Variants in EXOC2 observed in about 807,000 individuals in gnomAD.
EXOC2 encodes exocyst complex component 2.
EXOC2 carries 70 observed loss-of-function variants against 131.8 expected under a neutral mutation model. The ratio of observed to expected loss-of-function variants is 0.53; its 90% CI spans 0.44 to 0.65. The LOEUF (loss-of-function observed/expected upper bound fraction) is 0.65. EXOC2 is among the 30% of genes least tolerant of loss of function. The pLI is 0.00. For synonymous variants in EXOC2, 411 were observed against 398.4 expected, an observed-to-expected ratio of 1.03 and a Z score of -0.38; for missense variants, 923 against 1,108.6, an observed-to-expected ratio of 0.83 and a Z score of 2.38.
At position 486,704 on chromosome 6, in the gene EXOC2, G is replaced by A; in HGVS notation, c.2742C>T (p.Phe914=). 2 of 1,614,136 alleles carry A rather than the reference G, an allele frequency of 1.2e-6. No homozygotes were observed. The highest frequency in any genetic ancestry group is 1.7e-6 in the Non-Finnish European group (2 of 1,180,018). Residue 914 remains phenylalanine, a synonymous_variant, in exon 28 of 28, where the codon TTC becomes TTT. Transcript: ENST00000230449. ...KSSMHLQLTC[F]QAASSTMMKT Reference sequence around the variant, plus strand: ...TCATCATGGTTGAAGAAGCTGCTTGGAAACAGGTGAGCTGCAAGTGCATGC... The same window carrying A: ...TCATCATGGTTGAAGAAGCTGCTTGAAAACAGGTGAGCTGCAAGTGCATGC...
chr6:656,909 A>G (rs777834603), intron 1 of EXOC2: 106 of 1,557,396 alleles, frequency 6.8e-5, no homozygotes, highest in Non-Finnish European at 8.8e-5. Flanking sequence ...ACAGCTCTAG[A>G]CAGCCTTTGC....
At chr6:684,505 C>G (rs1764554442) in intron 1 of EXOC2, among the ~76,000 whole-genome samples, 1 of 152,206 alleles carries the variant, frequency 6.6e-6, no homozygotes, top group Non-Finnish European at 1.5e-5. Flanking sequence ...ACAATTTATA[C>G]TGTACACTTA....
intron 11 of EXOC2, among the ~76,000 whole-genome samples, chr6:590,827 C>T (rs916785343): frequency 2.0e-5 from 3 of 152,164 alleles, no homozygotes; most frequent in Non-Finnish European, 1.5e-5. Context: ...TGGGTAAATG[C>T]ACGAGTTCCA....
At chr6:527,502 G>A (rs1013708114) in intron 23 of EXOC2, among the ~76,000 whole-genome samples, 1 of 152,234 alleles carries the variant, frequency 6.6e-6, no homozygotes, top group African/African-American at 2.4e-5. Context: ...GTTGGAATAT[G>A]CTGCTTGGCA....
rs1037431933 is a variant in EXOC2 at position 506,797 on chromosome 6, C to T, written c.2381-7097G>A. On this transcript the variant is annotated intron_variant, in intron 23 of 27. Transcript: ENST00000230449. This position sits in a 1 kb window ranked among gnomAD's most constrained non-coding sequence, Gnocchi z 4.4. ...CTGTAAGCCAGCCGGTGTAACCCAG[C>T]ATATTCTCCAGCAACGAAGATCTTG... 6.6e-6 allele frequency among the ~76,000 whole-genome samples: 1 copy of T among 152,082 alleles called. No homozygotes were observed. The highest frequency in any genetic ancestry group is 1.5e-5 in the Non-Finnish European group (1 of 68,022).
chr6:689,511 G>A (rs374523350), intron 1 of EXOC2, among the ~76,000 whole-genome samples: 3 of 152,158 alleles, frequency 2.0e-5, no homozygotes, highest in East Asian at 1.9e-4. Context: ...GTGTTCACAC[G>A]CCTTCCTTCA....
chr6:615,104 T>C (rs1760915001), intron 6 of EXOC2, among the ~76,000 whole-genome samples: 1 of 151,840 alleles, frequency 6.6e-6, no homozygotes, highest in South Asian at 2.1e-4. Context: ...AACATGAAAA[T>C]CTTAATAGAG....
At chr6:548,181 C>T (rs553729910) in intron 22 of EXOC2, among the ~76,000 whole-genome samples, 1 of 152,220 alleles carries the variant, frequency 6.6e-6, no homozygotes, top group East Asian at 1.9e-4. Flanking sequence ...CGACATTTCT[C>T]ATCAGGATGA....
chr6:638,505 T>A (rs570380999), intron 1 of EXOC2, among the ~76,000 whole-genome samples: 55 of 152,342 alleles, frequency 3.6e-4, no homozygotes, highest in Middle Eastern at 6.8e-3. Context: ...ATTTACTAAA[T>A]CTGTTCTAAA....
chr6:658,806 C>T (rs571761465), intron 1 of EXOC2, among the ~76,000 whole-genome samples: 2 of 151,096 alleles, frequency 1.3e-5, no homozygotes, highest in East Asian at 1.9e-4. Context: ...GGATTACAGG[C>T]GCCTGCCACC....
intron 26 of EXOC2, among the ~76,000 whole-genome samples, chr6:490,352 TACAG>T (rs912318522): frequency 1.3e-5 from 2 of 152,170 alleles, no homozygotes; most frequent in East Asian, 1.9e-4. Flanking sequence ...TAGTATGTTG[TACAG>T]ACAAACGATG....
Position 592,497 on chromosome 6 carries a change from G to C in EXOC2, c.1164C>G (p.Cys388Trp). 2 of 1,613,946 alleles carry C rather than the reference G, an allele frequency of 1.2e-6. No individual in the cohort carries two copies. Among genetic ancestry groups the C allele is most frequent in the South Asian group, 2.2e-5 (2 of 91,084 alleles). ...HKWILQLMHSCKEGYVKDLKG... is the reference protein window; with the variant it reads ...HKWILQLMHSWKEGYVKDLKG... ...TCAGATCTTTCACGTAGCCCTCTTT[G>C]CAACTGTGCATGAGCTGAAGGATCC... Residue 388 changes from cysteine to tryptophan, a missense_variant, in exon 11 of 28, where the codon TGC becomes TGG. Physicochemically the swap from Cys to Trp is radical, Grantham distance 215 (BLOSUM62 -2). Transcript: ENST00000230449.
intron 11 of EXOC2, among the ~76,000 whole-genome samples, chr6:588,632 C>T (rs1759350945): frequency 2.6e-5 from 4 of 152,214 alleles, no homozygotes; most frequent in Non-Finnish European, 5.9e-5. Context: ...GGATTACAGG[C>T]GTGGGCCACC....
chr6:572,772 G>A (rs1313878178), intron 12 of EXOC2, 128 bp from the exon 13 acceptor site: 27 of 1,195,570 alleles, frequency 2.3e-5, no homozygotes, highest in South Asian at 6.0e-5. Context: ...CTGAGTCTGC[G>A]TGGACGCTCG....
At chr6:538,285 A>T (rs912155778) in intron 22 of EXOC2, among the ~76,000 whole-genome samples, 1 of 152,192 alleles carries the variant, frequency 6.6e-6, no homozygotes, top group African/African-American at 2.4e-5. Flanking sequence ...GCTAGCAGCT[A>T]TTTCTATTAA....
chr6:513,691 T>G (rs796880744), intron 23 of EXOC2, among the ~76,000 whole-genome samples: 22 of 152,370 alleles, frequency 1.4e-4, no homozygotes, highest in African/African-American at 4.8e-4. Context: ...AAAAATGGGT[T>G]TTCAGATATA....
At chr6:505,961 T>C (rs1178734952) in intron 23 of EXOC2, among the ~76,000 whole-genome samples, 14 of 152,150 alleles carry the variant, frequency 9.2e-5, no homozygotes, top group Admixed American at 7.9e-4. Flanking sequence ...CCTAAATATA[T>C]GTAGAATTCT....
At position 637,738 on chromosome 6, in the gene EXOC2, C is replaced by T. The variant is rs1581604503; in HGVS notation, c.81G>A (p.Arg27=). 6.2e-7 allele frequency: 1 copy of T among 1,613,632 alleles called. No homozygotes were observed. The highest frequency in any genetic ancestry group is 8.5e-7 in the Non-Finnish European group (1 of 1,179,802). The change falls in exon 2 of 28, where the codon AGG becomes AGA. Residue 27 remains arginine (R), a synonymous_variant. Transcript: ENST00000230449. ...TGGGGCCAGTCCCCAGATTTTCTCC[C>T]CTGATTGTGACCTTCGTCCATGGTA... ...EGIPWTKVTI[R]GENLGTGPTD... is the part of the protein sequence containing the mutation.
At chr6:574,633 T>C (rs138050618) in intron 12 of EXOC2, among the ~76,000 whole-genome samples, 7 of 152,348 alleles carry the variant, frequency 4.6e-5, no homozygotes, top group Non-Finnish European at 1.0e-4. Context: ...GGAACGGTTC[T>C]TTACTTAAGG....
Sources: allele counts gnomAD v4.1 joint callset (sites outside exome capture counted in the v4.1 genomes callset), GRCh38; gene constraint gnomAD v4.1.1; non-coding constraint Gnocchi (gnomAD v3.1); transcripts MANE v1.5; gene names NCBI Gene and HGNC (gene_info 2026-07-23, HGNC 2026-07-21).